Variants in RAB4B observed in about 807,000 individuals in gnomAD.
RAB4B encodes the protein ras-related protein Rab-4B.
RAB4B carries 15 observed loss-of-function variants against 28.3 expected under a neutral mutation model. The observed-to-expected ratio is 0.53, with a 90% CI of 0.35 to 0.82. RAB4B has a LOEUF of 0.82. Among genes scored for constraint, RAB4B ranks in the 40% least tolerant of loss-of-function variants. The pLI, the probability that RAB4B is intolerant of heterozygous loss-of-function variation, is 0.01. For synonymous variants in RAB4B, 108 were observed against 116.3 expected (o/e 0.93, Z 0.46); for missense variants, 244 against 288.5 (o/e 0.85, Z 1.12).
intron 5 of RAB4B, among the ~76,000 whole-genome samples, chr19:40,784,670 T>C (rs560794208): frequency 5.5e-4 from 84 of 152,160 alleles, no homozygotes; most frequent in Non-Finnish European, 9.1e-4. Flanking sequence ...CGCCACAGAG[T>C]GGGTGCTAGA....
intron 1 of RAB4B, chr19:40,778,929 A>C: frequency 1.0e-6 from 1 of 985,806 alleles, no homozygotes; most frequent in Non-Finnish European, 1.2e-6. Context: ...GGAAGTGGAA[A>C]ATCAGTAGGG....
chr19:40,778,267 C>G lies in RAB4B; in HGVS notation c.-109C>G, dbSNP rs954534728. Reference sequence around the variant, plus strand: ...GAGGCGGAAGTGGCGGTGCCGGGCCCGGGGAGTAGGAAGGAGCCGGGGCTG... The same window carrying G: ...GAGGCGGAAGTGGCGGTGCCGGGCCGGGGGAGTAGGAAGGAGCCGGGGCTG... On this transcript the variant is annotated 5_prime_UTR_variant, in exon 1 of 8. Coordinates refer to ENST00000357052, the MANE Select transcript of RAB4B (RefSeq NM_016154.5). The G allele has an allele frequency of 1.0e-5, 11 of 1,098,854 alleles. No individual in the cohort carries two copies. Among genetic ancestry groups the G allele is most frequent in the Admixed American group, 3.3e-5 (1 of 30,712 alleles). 68.1% of individuals were successfully genotyped at this position (1,098,854 alleles called of 1,614,324 possible).
At chr19:40,782,969 C>A (rs1305475084) in intron 3 of RAB4B, among the ~76,000 whole-genome samples, 4 of 152,014 alleles carry the variant, frequency 2.6e-5, no homozygotes, top group African/African-American at 9.7e-5. Context: ...CCAACCCCAT[C>A]TCTACTAAAA....
In RAB4B at chr19:40,792,543, A is replaced by G. The variant is rs2083168770; in HGVS notation, c.*16-4027A>G. On this transcript the variant is annotated intron_variant, in intron 7 of 7. Transcript: ENST00000357052. ...TCACACTTTGCTGACTGCAATCTAC[A>G]GGAGGAAATATATTTTATGTGTTAA... 2.6e-5 allele frequency: 4 copies of G among 152,228 alleles called. No individual in the cohort carries two copies. In the South Asian group the frequency reaches 6.2e-4, roughly 24 times the overall value. 9.4% of individuals were successfully genotyped at this position (152,228 alleles called of 1,614,324 possible).
Position 40,780,048 on chromosome 19 carries a change from A to C in RAB4B, c.46A>C (p.Ser16Arg). 6.2e-7 allele frequency: 1 copy of C among 1,611,062 alleles called. No homozygotes were observed. Among genetic ancestry groups the C allele is most frequent in the Non-Finnish European group, 8.5e-7 (1 of 1,177,290 alleles). ...DFLFKFLVIG[S>R]AGTGKSCLLH... ...CCTCTTCAAATTCCTGGTGATTGGC[A>C]GTGCAGGAACTGGCAAATCATGTCT... Residue 16 changes from serine (S) to arginine (R), a missense_variant, in exon 2 of 8, where the codon AGT (serine) becomes CGT (arginine). Physicochemically the swap from Ser to Arg is moderately radical, Grantham distance 110 (BLOSUM62 -1). Coordinates refer to ENST00000357052, the MANE Select transcript of RAB4B (RefSeq NM_016154.5).
chr19:40,778,386 C>G lies in RAB4B; in HGVS notation c.11C>G (p.Thr4Ser). The change falls in exon 1 of 8, where the codon ACC becomes AGC. Residue 4 changes from threonine to serine, a missense_variant. Thr to Ser is a moderately conservative substitution (Grantham distance 58). Transcript: ENST00000357052. ...GGCCGCGACCGAGTCATGGCTGAGA[C>G]CTACGGTGAGGGTGGTGGACGAAGC... The part of the protein sequence containing the change: MAE[T>S]YDFLFKFLVI... 1 of 1,468,266 alleles carries G rather than the reference C, an allele frequency of 6.8e-7. No homozygotes were observed. The highest frequency in any genetic ancestry group is 1.4e-5 in the South Asian group (1 of 72,224). The allele number at this position is 1,468,266 out of a possible 1,614,324, so 91.0% of individuals were successfully genotyped here.
chr19:40,784,360 G>A (rs1424800498), intron 5 of RAB4B, among the ~76,000 whole-genome samples: 2 of 152,126 alleles, frequency 1.3e-5, no homozygotes, highest in African/African-American at 4.8e-5. Flanking sequence ...GGGTGTGGTG[G>A]CTCATGGCTG....
chr19:40,790,611 G>A (rs1313828518), intron 7 of RAB4B, among the ~76,000 whole-genome samples: 1 of 149,948 alleles, frequency 6.7e-6, no homozygotes, highest in Non-Finnish European at 1.5e-5. Flanking sequence ...CTGACCTCGT[G>A]ATCCTCCTGC....
At chr19:40,779,853 C>T in intron 1 of RAB4B, 166 bp from the exon 2 acceptor site, 2 of 1,477,864 alleles carry the variant, frequency 1.4e-6, no homozygotes, top group Admixed American at 4.7e-5. Context: ...GCAAGTACTA[C>T]ATAAGAGTTA....
intron 5 of RAB4B, chr19:40,785,790 A>G (rs1171953603): frequency 6.5e-6 from 1 of 152,912 alleles, no homozygotes; most frequent in African/African-American, 2.4e-5. Context: ...CCTAGGCCCA[A>G]CCTTCATGGA....
chr19:40,779,735 ACT>A lies in RAB4B; in HGVS notation c.17-281_17-280del, dbSNP rs2083029232. On this transcript the variant is annotated intron_variant, in intron 1 of 7. Transcript: ENST00000357052. The stretch of plus-strand genomic sequence containing the variant: ...TCCAGCCTGGGCAACGAAAAGTGAA[ACT>A]CTGTCTCAAAAAAACAAAAACAACG... The A allele has an allele frequency of 3.6e-5, 21 of 581,116 alleles. No homozygotes were observed. The South Asian group carries it at 4.4e-4, about 12-fold the overall frequency. 36.0% of individuals were successfully genotyped at this position (581,116 alleles called of 1,614,324 possible).
intron 1 of RAB4B, chr19:40,779,079 A>T: frequency 2.1e-6 from 2 of 961,910 alleles, no homozygotes; most frequent in Non-Finnish European, 2.5e-6. Flanking sequence ...TGTCATTTTC[A>T]GGGAATAGAC....
Position 40,786,814 on chromosome 19 carries a change from G to A in RAB4B, c.527-34G>A, listed in dbSNP as rs760329577. ...CGAAGGGCAGGCCCGGGGGTCTCCA[G>A]GCAACCAATGCTGACCTCTCCCCTT... On this transcript the variant is annotated intron_variant, in intron 6 of 7. Transcript: ENST00000357052. 1.9e-6 allele frequency: 3 copies of A among 1,614,144 alleles called. No homozygotes were observed. In the South Asian group the frequency reaches 3.3e-5, roughly 18 times the overall value.
At position 40,783,801 on chromosome 19, in the gene RAB4B, G is replaced by C; in HGVS notation, c.236G>C (p.Arg79Pro). ...AGGTCAGTGACGCGGAGTTATTACCGAGGGGCGGCTGGAGCCCTGCTGGTG... is the reference window on the plus strand; with the variant it reads ...AGGTCAGTGACGCGGAGTTATTACCCAGGGGCGGCTGGAGCCCTGCTGGTG... ...RFRSVTRSYY[R>P]GAAGALLVYD... The change falls in exon 4 of 8, where the codon CGA (arginine) becomes CCA (proline). Residue 79 changes from arginine (R) to proline (P), a missense_variant. Arg to Pro is a moderately radical substitution (Grantham distance 103). Coordinates refer to ENST00000357052, the MANE Select transcript of RAB4B (RefSeq NM_016154.5). 1.3e-6 allele frequency: 2 copies of C among 1,579,384 alleles called. No individual in the cohort carries two copies. The highest frequency in any genetic ancestry group is 1.7e-6 in the Non-Finnish European group (2 of 1,160,080).
chr19:40,781,073 C>T (rs1455569499), intron 3 of RAB4B, among the ~76,000 whole-genome samples: 2 of 128,414 alleles, frequency 1.6e-5, no homozygotes, highest in East Asian at 4.7e-4. Context: ...GTCAGGAGTT[C>T]AAGACCAGCC....
At chr19:40,783,870 A>C (rs368310350) in intron 4 of RAB4B, 30 bp downstream of exon 4, 2 of 1,579,358 alleles carry the variant, frequency 1.3e-6, no homozygotes, top group Non-Finnish European at 1.7e-6. Flanking sequence ...GGGGTAGGGC[A>C]TGGGTGGTTC....
At chr19:40,781,976 G>A (rs1001059672) in intron 3 of RAB4B, among the ~76,000 whole-genome samples, 1 of 147,838 alleles carries the variant, frequency 6.8e-6, no homozygotes, top group African/African-American at 2.5e-5. Context: ...AGCCCAGATC[G>A]CGCCACTGCA....
intron 7 of RAB4B, among the ~76,000 whole-genome samples, chr19:40,787,629 G>A (rs981722828): frequency 2.6e-5 from 4 of 151,544 alleles, no homozygotes; most frequent in African/African-American, 9.7e-5. Context: ...GGGGGTCAGG[G>A]CCAGGGTCAG....
chr19:40,786,051 A>C, intron 5 of RAB4B: 1 of 143,452 alleles, frequency 7.0e-6, no homozygotes. Context: ...ATGAGGGGAC[A>C]CAGGCAGAGG....
Sources: gnomAD v4.1 joint callset for allele counts (sites outside exome capture counted in the v4.1 genomes callset) on GRCh38, gnomAD v4.1.1 for gene constraint, MANE v1.5 for transcripts, NCBI Gene and HGNC (gene_info 2026-07-23, HGNC 2026-07-21) for gene names.